ERICH6B: variants seen among roughly 807,000 people sequenced by gnomAD.
ERICH6B encodes glutamate-rich protein 6B.
ERICH6B carries 69 observed loss-of-function variants against 80.0 expected under a neutral mutation model. That is an observed-to-expected ratio of 0.86 (90% CI 0.71 to 1.05). ERICH6B has a LOEUF of 1.05. Ranked by LOEUF, ERICH6B falls within the 50% of genes least tolerant of loss-of-function variation. ERICH6B has a pLI of 0.00. For synonymous variants in ERICH6B, 283 were observed against 291.9 expected (o/e 0.97, Z 0.31); for missense variants, 754 against 796.1 (o/e 0.95, Z 0.64).
chr13:45,578,922 C>T (rs961226286), intron 7 of ERICH6B, among the ~76,000 whole-genome samples: 1 of 152,186 alleles, frequency 6.6e-6, no homozygotes, highest in South Asian at 2.1e-4. Context: ...TGGTGGCATG[C>T]ACCCGTGGTC....
intron 13 of ERICH6B, among the ~76,000 whole-genome samples, chr13:45,546,372 G>C (rs1873989940): frequency 6.6e-6 from 1 of 152,212 alleles, no homozygotes; most frequent in Admixed American, 6.5e-5. Flanking sequence ...GGTTCGTCTG[G>C]AGAAGGAGGG....
Position 45,544,774 on chromosome 13 carries a change from C to T in ERICH6B, c.1858G>A (p.Gly620Ser), listed in dbSNP as rs949946728. Residue 620 changes from glycine (G) to serine (S), a missense_variant, in exon 14 of 15, where the codon GGC (glycine) becomes AGC (serine). Transcript: ENST00000298738. ...TGTGACCTTACCTTGTACCTGGTGCCCAGGTTTAAACAAATCTGCTTCTGT... is the reference window on the plus strand; with the variant it reads ...TGTGACCTTACCTTGTACCTGGTGCTCAGGTTTAAACAAATCTGCTTCTGT... ...YEQKQICLNL[G>S]TRYKFVIPEV... is the part of the protein sequence containing the mutation. The T allele has an allele frequency of 6.4e-7, 1 of 1,551,488 alleles. No individual in the cohort carries two copies. Among genetic ancestry groups the T allele is most frequent in the Non-Finnish European group, 8.7e-7 (1 of 1,146,988 alleles).
intron 2 of ERICH6B, among the ~76,000 whole-genome samples, chr13:45,602,173 T>C (rs1051517126): frequency 6.6e-5 from 10 of 152,308 alleles, no homozygotes; most frequent in African/African-American, 2.4e-4. Flanking sequence ...TCCTAGTGGC[T>C]GGGTCCCAGG....
At chr13:45,544,644 T>A in intron 14 of ERICH6B, 116 bp downstream of exon 14, 1 of 806,064 alleles carries the variant, frequency 1.2e-6, no homozygotes, top group Non-Finnish European at 2.0e-6. Flanking sequence ...TTTATACGGG[T>A]TGGCATATAT....
intron 13 of ERICH6B, among the ~76,000 whole-genome samples, chr13:45,546,396 G>C (rs1036858899): frequency 6.6e-6 from 1 of 152,188 alleles, no homozygotes; most frequent in Non-Finnish European, 1.5e-5. Context: ...GGGGAGCTTG[G>C]GTTACTGTCT....
At chr13:45,581,661 G>A (rs955108307) in intron 5 of ERICH6B, among the ~76,000 whole-genome samples, 19 of 152,240 alleles carry the variant, frequency 1.2e-4, no homozygotes, top group African/African-American at 4.3e-4. Context: ...ACAGGCATGA[G>A]CCACTGCGCC....
intron 5 of ERICH6B, among the ~76,000 whole-genome samples, chr13:45,583,778 T>C (rs533795190): frequency 2.5e-4 from 38 of 152,340 alleles, no homozygotes; most frequent in Middle Eastern, 3.4e-3. Context: ...ATGTAAGATG[T>C]GCCTTTCCCT....
At position 45,596,905 on chromosome 13, in the gene ERICH6B, G is replaced by A; in HGVS notation, c.101C>T (p.Thr34Ile). ...ACTTTCCTCATCTAGTTCTACTTCA[G>A]TATCCTCTTTCTCTGAAGGCAAGTT... Reference protein sequence around the residue: ...TQNLPSEKEDTEVELDEESLQ... With the variant: ...TQNLPSEKEDIEVELDEESLQ... The change falls in exon 3 of 15, where the codon ACT becomes ATT. Residue 34 changes from threonine to isoleucine, a missense_variant. Coordinates refer to ENST00000298738, the MANE Select transcript of ERICH6B (RefSeq NM_182542.3). The A allele has an allele frequency of 1.3e-6, 2 of 1,551,816 alleles. No homozygotes were observed. Among genetic ancestry groups the A allele is most frequent in the Non-Finnish European group, 1.7e-6 (2 of 1,147,030 alleles).
At position 45,543,258 on chromosome 13, in the gene ERICH6B, C is replaced by T. The variant is rs554842074; in HGVS notation, c.1872+1502G>A. On this transcript the variant is annotated intron_variant, in intron 14 of 14. Coordinates refer to ENST00000298738, the MANE Select transcript of ERICH6B (RefSeq NM_182542.3). The stretch of plus-strand genomic sequence containing the variant: ...CCTCAGGAAGGGTCTCAGGAGCCCA[C>T]CTTCTTCCCCCACTACAGTTGGAGC... Among the ~76,000 whole-genome samples the T allele has an allele frequency of 4.6e-5, 7 of 152,258 alleles. No homozygotes were observed. In the East Asian group the frequency reaches 1.4e-3, roughly 30 times the overall value.
intron 5 of ERICH6B, among the ~76,000 whole-genome samples, chr13:45,583,772 A>G (rs992626420): frequency 1.3e-5 from 2 of 152,170 alleles, no homozygotes; most frequent in African/African-American, 4.8e-5. Context: ...GCTGCCATGT[A>G]AGATGTGCCT....
chr13:45,594,543 T>A (rs1176316181), intron 3 of ERICH6B, among the ~76,000 whole-genome samples: 1 of 152,190 alleles, frequency 6.6e-6, no homozygotes, highest in Non-Finnish European at 1.5e-5. Context: ...AAGAGAGAGC[T>A]TAATGGTAGG....
chr13:45,605,384 C>A (rs1949851814), intron 2 of ERICH6B, among the ~76,000 whole-genome samples: 1 of 152,220 alleles, frequency 6.6e-6, no homozygotes, highest in Admixed American at 6.5e-5. Flanking sequence ...GGTCCCGCTT[C>A]TTCTCTATGC....
chr13:45,558,390 A>G (rs1027280102), intron 11 of ERICH6B, among the ~76,000 whole-genome samples: 8 of 152,174 alleles, frequency 5.3e-5, no homozygotes, highest in Non-Finnish European at 2.9e-5. Flanking sequence ...AAACAGTGAC[A>G]GTTTGGCTTC....
intron 5 of ERICH6B, among the ~76,000 whole-genome samples, chr13:45,581,977 G>T (rs570327817): frequency 1.3e-5 from 2 of 152,186 alleles, no homozygotes; most frequent in Non-Finnish European, 2.9e-5. Context: ...ATTTCTCTAG[G>T]ATTGCATTAG....
intron 9 of ERICH6B, among the ~76,000 whole-genome samples, chr13:45,567,127 T>G (rs1247227048): frequency 3.9e-5 from 6 of 152,232 alleles, no homozygotes; most frequent in Non-Finnish European, 1.5e-5. Flanking sequence ...TTTGGCCAAT[T>G]TCTCTCAGTT....
chr13:45,580,049 A>G, intron 6 of ERICH6B, 75 bp from the exon 7 acceptor site: 1 of 1,216,568 alleles, frequency 8.2e-7, no homozygotes, highest in East Asian at 2.6e-5. Context: ...TCCCTTATGG[A>G]ATCAATTTAA....
chr13:45,566,042 G>C (rs1239178577), intron 9 of ERICH6B, among the ~76,000 whole-genome samples: 1 of 152,214 alleles, frequency 6.6e-6, no homozygotes, highest in African/African-American at 2.4e-5. Context: ...TTGGGAACTG[G>C]AGCAAAGGTG....
chr13:45,546,825 A>G (rs1266538099), intron 13 of ERICH6B, among the ~76,000 whole-genome samples: 1 of 152,136 alleles, frequency 6.6e-6, no homozygotes, highest in Non-Finnish European at 1.5e-5. Flanking sequence ...GAGGCCTGCT[A>G]TGGGAAGCCT....
In ERICH6B at chr13:45,590,641, A is replaced by G. The variant is rs1187912352; in HGVS notation, c.686+8T>C. On this transcript the variant is annotated splice_region_variant and intron_variant, in intron 4 of 14. Transcript: ENST00000298738. ...TCCACCTGATTTATCCCAAAAGAAA[A>G]CTGTTACCTTGCATCACGAAGAAGC... 2 of 1,550,808 alleles carry G rather than the reference A, an allele frequency of 1.3e-6. No individual in the cohort carries two copies. The highest frequency in any genetic ancestry group is 2.7e-5 in the African/African-American group (2 of 72,922).
Sources: gnomAD v4.1 joint callset for allele counts (sites outside exome capture counted in the v4.1 genomes callset) on GRCh38, gnomAD v4.1.1 for gene constraint, MANE v1.5 for transcripts, NCBI Gene and HGNC (gene_info 2026-07-23, HGNC 2026-07-21) for gene names.